The following GOLGA7B variants were observed in gnomAD, a reference collection of about 807,000 sequenced individuals.
GOLGA7B encodes the protein golgin subfamily A member 7B.
GOLGA7B carries 17 observed loss-of-function variants against 21.5 expected under a neutral mutation model. The ratio of observed to expected loss-of-function variants is 0.79; its 90% CI spans 0.54 to 1.19. GOLGA7B has a LOEUF of 1.19. Among genes scored for constraint, GOLGA7B ranks in the 50% most tolerant of loss-of-function variants. GOLGA7B has a pLI of 0.00. For synonymous variants in GOLGA7B, 87 were observed against 84.0 expected, an observed-to-expected ratio of 1.04 and a Z score of -0.19; for missense variants, 169 against 224.4, an observed-to-expected ratio of 0.75 and a Z score of 1.58.
At chr10:97,864,644 CACCCTTA>C (rs2049999821) in intron 4 of GOLGA7B, among the ~76,000 whole-genome samples, 1 of 152,204 alleles carries the variant, frequency 6.6e-6, no homozygotes, top group African/African-American at 2.4e-5. Context: ...CACCCAGGCT[CACCCTTA>C]ACTACAAAGA....
chr10:97,867,225 A>G lies in GOLGA7B; in HGVS notation c.*1525A>G, dbSNP rs2050038170. The stretch of plus-strand genomic sequence containing the variant: ...TGCCAGCAGCCTGCAGGGGAAAGGC[A>G]AACTCCCTCCTTGCAAGGAAAGGAG... On this transcript the variant is annotated 3_prime_UTR_variant, in exon 5 of 5. Coordinates refer to ENST00000370602, the MANE Select transcript of GOLGA7B (RefSeq NM_001010917.3). 1.3e-5 allele frequency: 2 copies of G among 152,398 alleles called. No homozygotes were observed. Among genetic ancestry groups the G allele is most frequent in the South Asian group, 4.1e-4 (2 of 4,824 alleles). The allele number at this position is 152,398 out of a possible 1,614,324, so 9.4% of individuals were successfully genotyped here.
At chr10:97,854,023 T>A (rs139625470) in intron 1 of GOLGA7B, among the ~76,000 whole-genome samples, 1 of 152,212 alleles carries the variant, frequency 6.6e-6, no homozygotes, top group African/African-American at 2.4e-5. Context: ...GAATATTTGA[T>A]GTTAAAAAGA....
intron 1 of GOLGA7B, among the ~76,000 whole-genome samples, chr10:97,850,860 G>GTT (rs564025755): frequency 1.4e-3 from 190 of 137,924 alleles, no homozygotes; most frequent in African/African-American, 4.0e-3. Context: ...CCCCATTCGA[G>GTT]TTTTTTTTTT....
At position 97,849,945 on chromosome 10, in the gene GOLGA7B, C is replaced by T. The variant is rs948645300; in HGVS notation, c.-359C>T. The T allele has an allele frequency of 8.5e-5, 13 of 152,294 alleles. No individual in the cohort carries two copies. Among genetic ancestry groups the T allele is most frequent in the African/African-American group, 2.2e-4 (9 of 41,372 alleles). 9.4% of individuals were successfully genotyped at this position (152,294 alleles called of 1,614,324 possible). A position where few individuals can be genotyped will look rare whatever the true frequency, so the allele number is the denominator to read the frequency against. ...TCCCGGCCAGCGGCGGCTCCTGGCCCCTCCTCCCCCGGCCGCCCCCATCCC... is the reference window on the plus strand; with the variant it reads ...TCCCGGCCAGCGGCGGCTCCTGGCCTCTCCTCCCCCGGCCGCCCCCATCCC... On this transcript the variant is annotated 5_prime_UTR_variant, in exon 1 of 5. Transcript: ENST00000370602.
In GOLGA7B at chr10:97,863,980, C is replaced by G; in HGVS notation, c.189C>G (p.Tyr63Ter). ...EETVKTLNGF[Y>*]AEAEKIGGSS... ...CTGTGAAGACCCTCAACGGATTTTACGCAGAGGCTGAGAAGATTGGGGGCA... is the reference window on the plus strand; with the variant it reads ...CTGTGAAGACCCTCAACGGATTTTAGGCAGAGGCTGAGAAGATTGGGGGCA... The change falls in exon 3 of 5, where the codon TAC (tyrosine) becomes TAG (stop). Residue 63 changes from tyrosine to a stop codon, truncating the protein, a stop_gained. Coordinates refer to ENST00000370602, the MANE Select transcript of GOLGA7B (RefSeq NM_001010917.3). LOFTEE classifies it high-confidence loss of function. 1 of 1,614,192 alleles carries G rather than the reference C, an allele frequency of 6.2e-7. No homozygotes were observed. The highest frequency in any genetic ancestry group is 8.5e-7 in the Non-Finnish European group (1 of 1,180,032).
chr10:97,860,048 A>T (rs535659779), intron 2 of GOLGA7B, among the ~76,000 whole-genome samples: 3 of 152,330 alleles, frequency 2.0e-5, no homozygotes, highest in African/African-American at 7.2e-5. Context: ...CAAACCAACT[A>T]CATTAGACTC....
In GOLGA7B at chr10:97,850,181, C is replaced by G. The variant is rs1191744485; in HGVS notation, c.-123C>G. On this transcript the variant is annotated 5_prime_UTR_variant, in exon 1 of 5. Coordinates refer to ENST00000370602, the MANE Select transcript of GOLGA7B (RefSeq NM_001010917.3). Reference sequence around the variant, plus strand: ...CCCGGGCCCGCGGCGCCCGCATCAGCACTGCGGACAGCGCCCCGGGCCCCA... The same window carrying G: ...CCCGGGCCCGCGGCGCCCGCATCAGGACTGCGGACAGCGCCCCGGGCCCCA... The G allele has an allele frequency of 3.5e-5, 17 of 483,950 alleles. No individual in the cohort carries two copies. Among genetic ancestry groups the G allele is most frequent in the Middle Eastern group, 6.0e-4 (1 of 1,654 alleles). The allele number at this position is 483,950 out of a possible 1,614,324, so 30.0% of individuals were successfully genotyped here. A position where few individuals can be genotyped will look rare whatever the true frequency, so the allele number is the denominator to read the frequency against.
chr10:97,864,186 C>T lies in GOLGA7B; in HGVS notation c.310C>T (p.Arg104Cys), dbSNP rs778985189. 2.8e-5 allele frequency: 46 copies of T among 1,614,186 alleles called. No individual in the cohort carries two copies. Among genetic ancestry groups the T allele is most frequent in the East Asian group, 4.5e-5 (2 of 44,886 alleles). Residue 104 changes from arginine (R) to cysteine (C), a missense_variant, in exon 4 of 5, where the codon CGC becomes TGC. Coordinates refer to ENST00000370602, the MANE Select transcript of GOLGA7B (RefSeq NM_001010917.3). ...HYEKVLKKIS[R>C]YIQEQNEKIF... ...TTTGCAGGTTCTCAAGAAGATTTCC[C>T]GCTACATCCAGGAGCAGAATGAGAA...
rs1010625208 is a variant in GOLGA7B, at chr10:97,868,115, C to T, written c.*2415C>T. ...AGAAAGTAGCTGGATGATCACTTCT[C>T]GGCCTTTTGGCCAAGATCAAATATG... On this transcript the variant is annotated 3_prime_UTR_variant, in exon 5 of 5. Transcript: ENST00000370602. 2.6e-5 allele frequency: 4 copies of T among 152,380 alleles called. No homozygotes were observed. Among genetic ancestry groups the T allele is most frequent in the South Asian group, 2.1e-4 (1 of 4,830 alleles). The allele number at this position is 152,380 out of a possible 1,614,324, so 9.4% of individuals were successfully genotyped here. A position where few individuals can be genotyped will look rare whatever the true frequency, so the allele number is the denominator to read the frequency against.
chr10:97,853,544 G>T (rs991156723), intron 1 of GOLGA7B, among the ~76,000 whole-genome samples: 1 of 152,114 alleles, frequency 6.6e-6, no homozygotes, highest in Non-Finnish European at 1.5e-5. Flanking sequence ...GTACCCATGG[G>T]TCTCACCACT....
intron 2 of GOLGA7B, among the ~76,000 whole-genome samples, chr10:97,863,096 T>C (rs552255199): frequency 3.3e-5 from 5 of 152,200 alleles, no homozygotes; most frequent in African/African-American, 1.2e-4. Flanking sequence ...AGCTGTGACA[T>C]AATCTGACTT....
intron 1 of GOLGA7B, among the ~76,000 whole-genome samples, chr10:97,856,660 A>G (rs2136514189): frequency 6.6e-6 from 1 of 152,342 alleles, no homozygotes; most frequent in African/African-American, 2.4e-5. Flanking sequence ...AGAAATCTTC[A>G]TACTGTTTTC....
In GOLGA7B at chr10:97,859,538, C is replaced by T. The variant is rs1040054896; in HGVS notation, c.93C>T (p.Thr31=). Residue 31 remains threonine, a synonymous_variant, in exon 2 of 5, where the codon ACC becomes ACT. Transcript: ENST00000370602. ...TCCAGAGAGACTACAGCGATGGGAC[C>T]ATCTGTCAGTTCCAGACCAAATTCC... ...VFIQRDYSDG[T]ICQFQTKFPP... 6.2e-7 allele frequency: 1 copy of T among 1,614,040 alleles called. No homozygotes were observed. The highest frequency in any genetic ancestry group is 1.3e-5 in the African/African-American group (1 of 74,920).
intron 1 of GOLGA7B, among the ~76,000 whole-genome samples, chr10:97,855,693 C>T (rs1294965712): frequency 1.3e-5 from 2 of 152,200 alleles, no homozygotes; most frequent in Non-Finnish European, 2.9e-5. Flanking sequence ...TTGTTCTTTA[C>T]TCTTGAAAAT....
chr10:97,857,296 C>A (rs1386630138), intron 1 of GOLGA7B, among the ~76,000 whole-genome samples: 1 of 151,550 alleles, frequency 6.6e-6, no homozygotes, highest in African/African-American at 2.4e-5. Flanking sequence ...TGCACATGGT[C>A]AGCCAGTTTT....
intron 4 of GOLGA7B, 135 bp downstream of exon 4, chr10:97,864,404 C>T (rs2049996218): frequency 1.5e-6 from 1 of 651,120 alleles, no homozygotes; most frequent in Non-Finnish European, 2.7e-6. Context: ...ATCAGTGGTC[C>T]TCAGCCCTCC....
chr10:97,863,184 G>A (rs1414499148), intron 2 of GOLGA7B, among the ~76,000 whole-genome samples: 3 of 152,176 alleles, frequency 2.0e-5, no homozygotes, highest in African/African-American at 7.2e-5. Flanking sequence ...GAACCACAGA[G>A]CAGTTCGTGG....
chr10:97,851,830 T>C (rs1268986116), intron 1 of GOLGA7B, among the ~76,000 whole-genome samples: 1 of 152,240 alleles, frequency 6.6e-6, no homozygotes, highest in Admixed American at 6.5e-5. Flanking sequence ...CAGGCTTCTA[T>C]CTCTATGTCA....
intron 1 of GOLGA7B, among the ~76,000 whole-genome samples, chr10:97,856,911 GT>G (rs1220832099): frequency 1.3e-5 from 2 of 151,964 alleles, no homozygotes; most frequent in East Asian, 3.9e-4. Flanking sequence ...CCTTTGCCCA[GT>G]TTTTAATGGG....
Sources: gnomAD v4.1 joint callset for allele counts (sites outside exome capture counted in the v4.1 genomes callset) on GRCh38, gnomAD v4.1.1 for gene constraint, MANE v1.5 for transcripts, NCBI Gene and HGNC (gene_info 2026-07-23, HGNC 2026-07-21) for gene names.